ACACA: variants seen among roughly 807,000 people sequenced by gnomAD.
The protein encoded by ACACA is acetyl-CoA carboxylase 1.
In ACACA, 103 loss-of-function variants were observed where a neutral mutation model predicts 296.1. The observed-to-expected ratio is 0.35, with a 90% confidence interval of 0.30 to 0.41. ACACA has a LOEUF of 0.41. Among genes scored for constraint, ACACA ranks in the 10% least tolerant of loss-of-function variants. The pLI, the probability that ACACA is intolerant of heterozygous loss-of-function variation, is 1.00. For synonymous variants in ACACA, 953 were observed against 1,038.6 expected (o/e 0.92, Z 1.58); for missense variants, 1,554 against 2,989.7 (o/e 0.52, Z 11.20).
intron 45 of ACACA, among the ~76,000 whole-genome samples, chr17:37,141,765 C>T (rs997228102): frequency 6.6e-6 from 1 of 151,758 alleles, no homozygotes; most frequent in Non-Finnish European, 1.5e-5. Flanking sequence ...AATCTTGGCT[C>T]GCTGCCACCT....
At chr17:37,358,229 T>C (rs1206464205) in intron 1 of ACACA, among the ~76,000 whole-genome samples, 2 of 152,228 alleles carry the variant, frequency 1.3e-5, no homozygotes, top group African/African-American at 4.8e-5. Context: ...TGTCCATTAG[T>C]GTCCACTCTC....
At chr17:37,273,681 T>C (rs1000610736) in intron 9 of ACACA, among the ~76,000 whole-genome samples, 19 of 152,198 alleles carry the variant, frequency 1.2e-4, no homozygotes, top group African/African-American at 4.6e-4. Flanking sequence ...AGTGGGTGAG[T>C]GAGCCTGCTT....
chr17:37,092,212 G>C (rs1030233544), intron 54 of ACACA, among the ~76,000 whole-genome samples: 2 of 150,734 alleles, frequency 1.3e-5, no homozygotes, highest in African/African-American at 4.9e-5. Flanking sequence ...ATGAGCCCAG[G>C]AGGTTGAGGC....
chr17:37,389,134 A>G, intron 1 of ACACA: 1 of 1,354,640 alleles, frequency 7.4e-7, no homozygotes, highest in Non-Finnish European at 1.0e-6. Flanking sequence ...ATAGGACTGA[A>G]TATTTTATTT....
At chr17:37,394,713 A>T (rs1030230115) in intron 1 of ACACA, among the ~76,000 whole-genome samples, 12 of 77,328 alleles carry the variant, frequency 1.6e-4, no homozygotes, top group African/African-American at 5.1e-4. Context: ...TATCTCTACT[A>T]AAAAAAAAAA....
chr17:37,260,599 C>T (rs984381217), intron 11 of ACACA, among the ~76,000 whole-genome samples: 1 of 151,982 alleles, frequency 6.6e-6, no homozygotes. Context: ...CCACAGCACC[C>T]AGCCCTAAGT....
intron 35 of ACACA, among the ~76,000 whole-genome samples, chr17:37,196,600 G>C (rs2078009907): frequency 6.6e-6 from 1 of 150,662 alleles, no homozygotes; most frequent in African/African-American, 2.4e-5. Context: ...GCCAAACTTT[G>C]CTGAAAAAAA....
intron 3 of ACACA, among the ~76,000 whole-genome samples, chr17:37,305,109 C>T (rs1359593472): frequency 6.6e-6 from 1 of 152,048 alleles, no homozygotes; most frequent in Non-Finnish European, 1.5e-5. Flanking sequence ...TCACATTTTC[C>T]TGTATCTTTA....
At chr17:37,118,464 A>G (rs971431671) in intron 50 of ACACA, among the ~76,000 whole-genome samples, 5 of 152,250 alleles carry the variant, frequency 3.3e-5, no homozygotes, top group Non-Finnish European at 7.3e-5. Flanking sequence ...TGAGCTCTTG[A>G]AATTTCTTTT....
At chr17:37,246,449 G>T (rs2080706665) in intron 19 of ACACA, among the ~76,000 whole-genome samples, 1 of 151,602 alleles carries the variant, frequency 6.6e-6, no homozygotes, top group East Asian at 1.9e-4. Flanking sequence ...ATAGGGTCTT[G>T]ATTTGTGACG....
At chr17:37,358,274 C>G (rs908759227) in intron 1 of ACACA, among the ~76,000 whole-genome samples, 2 of 152,208 alleles carry the variant, frequency 1.3e-5, no homozygotes, top group Non-Finnish European at 2.9e-5. Context: ...TGGCCCCGAT[C>G]CGGGCAGGAC....
At chr17:37,371,458 T>C (rs1469568295) in intron 1 of ACACA, among the ~76,000 whole-genome samples, 1 of 152,022 alleles carries the variant, frequency 6.6e-6, no homozygotes, top group Non-Finnish European at 1.5e-5. Context: ...GGCACAGACA[T>C]GTAAAGAGCA....
At chr17:37,293,338 G>A in intron 3 of ACACA, among the ~76,000 whole-genome samples, 1 of 152,012 alleles carries the variant, frequency 6.6e-6, no homozygotes, top group East Asian at 1.9e-4. Flanking sequence ...ATAGAATTAT[G>A]TGTTAACTAG....
chr17:37,362,157 G>A (rs1198451982), intron 1 of ACACA, among the ~76,000 whole-genome samples: 1 of 152,324 alleles, frequency 6.6e-6, no homozygotes, highest in East Asian at 1.9e-4. Flanking sequence ...ACTAACTGCT[G>A]ACACCTTAAT....
At chr17:37,384,152 C>T (rs1011689860) in intron 1 of ACACA, among the ~76,000 whole-genome samples, 1 of 152,032 alleles carries the variant, frequency 6.6e-6, no homozygotes, top group Non-Finnish European at 1.5e-5. Flanking sequence ...TTGTCCCAGA[C>T]AGTCTGCATA....
chr17:37,186,568 G>A (rs2077540709), intron 39 of ACACA, among the ~76,000 whole-genome samples: 1 of 152,218 alleles, frequency 6.6e-6, no homozygotes, highest in South Asian at 2.1e-4. Flanking sequence ...CCAGAACTGG[G>A]TTGGAGGCTG....
intron 54 of ACACA, among the ~76,000 whole-genome samples, chr17:37,093,379 C>T (rs899529733): frequency 1.3e-5 from 2 of 152,108 alleles, no homozygotes; most frequent in African/African-American, 4.8e-5. Context: ...CCCTTTCCGC[C>T]GAGGTCAATC....
intron 3 of ACACA, among the ~76,000 whole-genome samples, chr17:37,290,853 T>C (rs1308764901): frequency 6.6e-6 from 1 of 151,440 alleles, no homozygotes; most frequent in African/African-American, 2.4e-5. Flanking sequence ...GAGGCTGAGG[T>C]AGGTGGACCA....
At chr17:37,372,241 A>C (rs1051804470) in intron 1 of ACACA, among the ~76,000 whole-genome samples, 1 of 151,794 alleles carries the variant, frequency 6.6e-6, no homozygotes, top group Non-Finnish European at 1.5e-5. Flanking sequence ...GTGAAACCCC[A>C]TCTCTACTAA....
Sources: gnomAD v4.1 joint callset for allele counts (sites outside exome capture counted in the v4.1 genomes callset) on GRCh38, gnomAD v4.1.1 for gene constraint, MANE v1.5 for transcripts, NCBI Gene and HGNC (gene_info 2026-07-23, HGNC 2026-07-21) for gene names.